The following MEGF11 variants were observed in gnomAD, a reference collection of about 807,000 sequenced individuals.
MEGF11 encodes the protein multiple epidermal growth factor-like domains protein 11.
Under a neutral mutation model 146.6 loss-of-function variants are expected in MEGF11, and 126 were observed. The ratio of observed to expected loss-of-function variants is 0.86; its 90% CI spans 0.74 to 1.00. The LOEUF is 1.00. Among genes scored for constraint, MEGF11 ranks in the 50% least tolerant of loss-of-function variants. MEGF11 has a pLI of 0.00. For synonymous variants in MEGF11, 532 were observed against 583.4 expected, an observed-to-expected ratio of 0.91 and a Z score of 1.27; for missense variants, 1,509 against 1,521.2, an observed-to-expected ratio of 0.99 and a Z score of 0.13.
intron 1 of MEGF11, among the ~76,000 whole-genome samples, chr15:66,234,358 G>A (rs1005894478): frequency 5.3e-5 from 8 of 152,190 alleles, no homozygotes; most frequent in African/African-American, 1.4e-4. Context: ...ATGCTTTTCT[G>A]TTACTTGCAG....
intron 4 of MEGF11, among the ~76,000 whole-genome samples, chr15:66,098,024 T>C (rs183935517): frequency 3.3e-5 from 5 of 152,318 alleles, no homozygotes; most frequent in African/African-American, 1.2e-4. Context: ...AAAGCCTCCA[T>C]GATAGCAACT....
At chr15:65,909,994 G>T in intron 21 of MEGF11, 188 bp from the exon 22 acceptor site, 1 of 696,602 alleles carries the variant, frequency 1.4e-6, no homozygotes, top group Non-Finnish European at 2.6e-6. Flanking sequence ...ATGCTAGTGG[G>T]AATAGAACAT....
chr15:65,899,590 G>GC (rs1239875599), intron 24 of MEGF11, among the ~76,000 whole-genome samples: 2 of 152,200 alleles, frequency 1.3e-5, no homozygotes, highest in Admixed American at 6.5e-5. Context: ...CAATTTGACA[G>GC]CCTATAAGTG....
intron 1 of MEGF11, among the ~76,000 whole-genome samples, chr15:66,158,401 C>T (rs1028729796): frequency 3.3e-5 from 5 of 152,250 alleles, no homozygotes; most frequent in African/African-American, 7.2e-5. Context: ...CAGATGGAAC[C>T]GTGTGGACTC....
intron 4 of MEGF11, among the ~76,000 whole-genome samples, chr15:66,110,769 C>G (rs2087351715): frequency 6.6e-6 from 1 of 152,090 alleles, no homozygotes; most frequent in South Asian, 2.1e-4. Context: ...GGAGTTTTTA[C>G]CTAGCAGCTA....
rs550738690 is a variant in MEGF11 at position 65,960,422 on chromosome 15, G to A, written c.1113-2701C>T. ...CCAAGGCACTGGAAGGGGAGACAGC[G>A]ACCTGCGTGGGTATCGTGGGGAAGG... On this transcript the variant is annotated intron_variant, in intron 9 of 25. Transcript: ENST00000395614. Among the ~76,000 whole-genome samples, 163 of 152,350 alleles carry A rather than the reference G, an allele frequency of 1.1e-3. 4 individuals are homozygous for A. In the South Asian group the frequency reaches 0.032, roughly 30 times the overall value.
At position 66,148,049 on chromosome 15, in the gene MEGF11, A is replaced by G. The variant is rs139763448; in HGVS notation, c.-8-19638T>C. On this transcript the variant is annotated intron_variant, in intron 1 of 25. Coordinates refer to ENST00000395614, the MANE Select transcript of MEGF11 (RefSeq NM_001385028.1). ...TGCCAGGAGGTACCGGAGAGGGGGA[A>G]AAGGCCGAAGCCATCTAGTACAGTC... Among the ~76,000 whole-genome samples, 407 of 152,268 alleles carry G rather than the reference A, an allele frequency of 2.7e-3. 1 individual carries two copies. The highest frequency in any genetic ancestry group is 9.4e-3 in the African/African-American group (390 of 41,548).
chr15:66,228,638 T>C (rs906738647), intron 1 of MEGF11, among the ~76,000 whole-genome samples: 2 of 152,108 alleles, frequency 1.3e-5, no homozygotes, highest in Admixed American at 6.5e-5. Context: ...CAGAACCATC[T>C]CCTACCGCAA....
chr15:65,903,692 C>G (rs932155541), intron 24 of MEGF11, among the ~76,000 whole-genome samples: 1 of 152,186 alleles, frequency 6.6e-6, no homozygotes, highest in Non-Finnish European at 1.5e-5. Context: ...CTTAGTAGTT[C>G]TGATTTGGTT....
intron 5 of MEGF11, among the ~76,000 whole-genome samples, chr15:66,048,823 C>A (rs1011603631): frequency 3.3e-5 from 5 of 152,144 alleles, no homozygotes; most frequent in African/African-American, 1.2e-4. Context: ...TAACGCTATC[C>A]CCTTGTAGAA....
intron 5 of MEGF11, among the ~76,000 whole-genome samples, chr15:66,083,157 C>A (rs545358922): frequency 6.6e-6 from 1 of 152,186 alleles, no homozygotes; most frequent in Non-Finnish European, 1.5e-5. Context: ...CAGTGCTGGC[C>A]TGACCTGTAG....
At chr15:66,050,700 T>C (rs1007444938) in intron 5 of MEGF11, among the ~76,000 whole-genome samples, 5 of 152,146 alleles carry the variant, frequency 3.3e-5, no homozygotes, top group Non-Finnish European at 7.4e-5. Context: ...AGAGAATAGA[T>C]GGAGAGCAGT....
In MEGF11 at chr15:66,199,889, A is replaced by G. The variant is rs145253519; in HGVS notation, c.-9+53716T>C. ...AGTCCAAACTAGAAACAATCTAAAT[A>G]TCTACCAGTAGGGGTTTGGCAAAAA... On this transcript the variant is annotated intron_variant, in intron 1 of 25. Transcript: ENST00000395614. Among the ~76,000 whole-genome samples the G allele has an allele frequency of 6.1e-3, 931 of 151,726 alleles. 5 individuals are homozygous for G. Among genetic ancestry groups the G allele is most frequent in the Non-Finnish European group, 0.011 (737 of 67,998 alleles).
chr15:66,129,402 C>A (rs1262593227), intron 1 of MEGF11, among the ~76,000 whole-genome samples: 1 of 152,218 alleles, frequency 6.6e-6, no homozygotes, highest in Admixed American at 6.5e-5. Context: ...ATGAACGCTG[C>A]GACTCAGAAA....
At position 66,026,117 on chromosome 15, in the gene MEGF11, C is replaced by T. The variant is rs867698221; in HGVS notation, c.395-43629G>A. On this transcript the variant is annotated intron_variant, in intron 5 of 25. Coordinates refer to ENST00000395614, the MANE Select transcript of MEGF11 (RefSeq NM_001385028.1). The stretch of plus-strand genomic sequence containing the variant: ...GATGGAGCCCTGACAGGGGATTTCC[C>T]CCACTCCCCAAAGCTCCCCAGGTGA... Among the ~76,000 whole-genome samples, 175 of 152,232 alleles carry T rather than the reference C, an allele frequency of 1.1e-3. 1 individual carries two copies. The highest frequency in any genetic ancestry group is 1.3e-3 in the Non-Finnish European group (90 of 68,046).
intron 5 of MEGF11, among the ~76,000 whole-genome samples, chr15:66,046,393 T>C (rs2084204710): frequency 6.6e-6 from 1 of 152,164 alleles, no homozygotes; most frequent in African/African-American, 2.4e-5. Flanking sequence ...ACTCCAGAAG[T>C]GTAGGTACCC....
At chr15:65,990,072 G>T (rs1319172281) in intron 5 of MEGF11, among the ~76,000 whole-genome samples, 1 of 152,170 alleles carries the variant, frequency 6.6e-6, no homozygotes, top group East Asian at 1.9e-4. Flanking sequence ...TTATCCAGCT[G>T]TGGTGGTGCA....
Position 66,212,067 on chromosome 15 carries a change from GCCCAACCTC to G in MEGF11, c.-9+41529_-9+41537del, listed in dbSNP as rs1305059672. On this transcript the variant is annotated intron_variant, in intron 1 of 25. Coordinates refer to ENST00000395614, the MANE Select transcript of MEGF11 (RefSeq NM_001385028.1). ...GCCAGGGCCCAGGCAGGGGGAGACA[GCCCAACCTC>G]CCTCTCCTCCCGCCCGCCAGTCTCC... Among the ~76,000 whole-genome samples the G allele has an allele frequency of 2.6e-5, 4 of 152,270 alleles. No homozygotes were observed. The East Asian group carries it at 7.8e-4, about 30-fold the overall frequency.
intron 3 of MEGF11, among the ~76,000 whole-genome samples, chr15:66,122,779 G>GTT (rs1036975613): frequency 6.6e-6 from 1 of 151,756 alleles, no homozygotes; most frequent in Non-Finnish European, 1.5e-5. Context: ...TTTTTGTTTT[G>GTT]TTTTGTTTTG....
Sources: allele counts gnomAD v4.1 joint callset (sites outside exome capture counted in the v4.1 genomes callset), GRCh38; gene constraint gnomAD v4.1.1; transcripts MANE v1.5; gene names NCBI Gene and HGNC (gene_info 2026-07-23, HGNC 2026-07-21).